NR3C2: variants seen among roughly 807,000 people sequenced by gnomAD.
The protein encoded by NR3C2 is mineralocorticoid receptor.
Under a neutral mutation model 86.4 loss-of-function variants are expected in NR3C2, and 15 were observed. The observed-to-expected ratio is 0.17, with a 90% CI of 0.12 to 0.27. The LOEUF is 0.27. Among genes scored for constraint, NR3C2 ranks in the 10% least tolerant of loss-of-function variants. NR3C2 has a pLI of 1.00. For synonymous variants in NR3C2, 458 were observed against 450.5 expected, an observed-to-expected ratio of 1.02 and a Z score of -0.21; for missense variants, 960 against 1,195.6, an observed-to-expected ratio of 0.80 and a Z score of 2.91.
chr4:148,162,719 A>G (rs1417019018), intron 4 of NR3C2, among the ~76,000 whole-genome samples: 1 of 152,172 alleles, frequency 6.6e-6, no homozygotes, highest in Non-Finnish European at 1.5e-5. Context: ...GCCCTCCGGC[A>G]TCTCTTAGGA....
chr4:148,393,587 C>G (rs1747702027), intron 2 of NR3C2, among the ~76,000 whole-genome samples: 1 of 152,162 alleles, frequency 6.6e-6, no homozygotes, highest in Non-Finnish European at 1.5e-5. Context: ...AGGTGGCAGC[C>G]TACTTAGCTC....
chr4:148,183,717 C>T (rs1735750290), intron 4 of NR3C2, among the ~76,000 whole-genome samples: 1 of 152,044 alleles, frequency 6.6e-6, no homozygotes, highest in South Asian at 2.1e-4. Context: ...GCACAGCAAG[C>T]CCTCAAAAAT....
chr4:148,311,322 C>T (rs1742888857), intron 2 of NR3C2, among the ~76,000 whole-genome samples: 1 of 152,178 alleles, frequency 6.6e-6, no homozygotes, highest in African/African-American at 2.4e-5. Context: ...CTAATAGGCA[C>T]CTCAACATAG....
rs767830377 is a variant in NR3C2, at chr4:148,335,021, C to A, written c.1758-74904G>T. Among the ~76,000 whole-genome samples, 76 of 152,178 alleles carry A rather than the reference C, an allele frequency of 5.0e-4. 1 individual carries two copies. Among genetic ancestry groups the A allele is most frequent in the Non-Finnish European group, 1.0e-3 (68 of 68,028 alleles). On this transcript the variant is annotated intron_variant, in intron 2 of 8. Transcript: ENST00000358102. ...CCAATTTCCCCTTTGTATAAAGATT[C>A]CAGTTATATTACATTAGGGGCCACT...
At chr4:148,124,253 AC>A (rs1732645365) in intron 6 of NR3C2, among the ~76,000 whole-genome samples, 2 of 151,786 alleles carry the variant, frequency 1.3e-5, no homozygotes, top group Non-Finnish European at 2.9e-5. Flanking sequence ...ACCAAACCAA[AC>A]CAAACCAAAC....
chr4:148,211,898 T>C (rs1737302064), intron 3 of NR3C2, among the ~76,000 whole-genome samples: 1 of 152,224 alleles, frequency 6.6e-6, no homozygotes, highest in South Asian at 2.1e-4. Context: ...TTTGTAAAAA[T>C]GGTTACATAA....
intron 3 of NR3C2, among the ~76,000 whole-genome samples, chr4:148,232,533 T>C (rs1224803467): frequency 6.6e-6 from 1 of 152,160 alleles, no homozygotes; most frequent in Non-Finnish European, 1.5e-5. Context: ...ATGTATAGAG[T>C]ACAGGCAGAG....
At chr4:148,137,626 C>T (rs1036196066) in intron 6 of NR3C2, among the ~76,000 whole-genome samples, 13 of 152,220 alleles carry the variant, frequency 8.5e-5, no homozygotes, top group African/African-American at 2.4e-4. Context: ...CAAAGCCAGG[C>T]GGAATTAGAG....
intron 2 of NR3C2, among the ~76,000 whole-genome samples, chr4:148,385,141 T>C (rs1006074441): frequency 3.3e-5 from 5 of 152,174 alleles, no homozygotes; most frequent in Admixed American, 6.5e-5. Context: ...GCAACAATGA[T>C]ACTGCCAAAG....
intron 2 of NR3C2, among the ~76,000 whole-genome samples, chr4:148,318,449 A>G (rs1311181721): frequency 6.7e-6 from 1 of 149,324 alleles, no homozygotes; most frequent in East Asian, 2.0e-4. Flanking sequence ...AGGAATCGCC[A>G]CACTGACTTC....
chr4:148,377,894 T>G (rs6849903), intron 2 of NR3C2, among the ~76,000 whole-genome samples: 43,986 of 151,938 alleles, frequency 0.29, 7,330 homozygotes, highest in African/African-American at 0.47. Context: ...CAGCAGAACC[T>G]GAGAAAGAAA....
chr4:148,391,858 C>T (rs1379058496), intron 2 of NR3C2, among the ~76,000 whole-genome samples: 1 of 128,164 alleles, frequency 7.8e-6, no homozygotes, highest in Non-Finnish European at 1.6e-5. Context: ...GAGAGCAAGA[C>T]TCCATTGCAA....
intron 3 of NR3C2, among the ~76,000 whole-genome samples, chr4:148,212,185 G>A (rs986386894): frequency 2.6e-5 from 4 of 152,186 alleles, no homozygotes; most frequent in African/African-American, 7.2e-5. Context: ...AACACCATCC[G>A]CTATTAAAAG....
At chr4:148,398,188 A>C (rs1747957743) in intron 2 of NR3C2, among the ~76,000 whole-genome samples, 1 of 152,096 alleles carries the variant, frequency 6.6e-6, no homozygotes, top group Admixed American at 6.5e-5. Context: ...ATGTGCAAAA[A>C]CCCTACTTCC....
chr4:148,087,165 C>A (rs1474573718), intron 8 of NR3C2, among the ~76,000 whole-genome samples: 1 of 152,140 alleles, frequency 6.6e-6, no homozygotes, highest in African/African-American at 2.4e-5. Context: ...CTCCCATTCA[C>A]AATTGCTACA....
At chr4:148,086,990 C>G (rs1730844724) in intron 8 of NR3C2, among the ~76,000 whole-genome samples, 1 of 152,238 alleles carries the variant, frequency 6.6e-6, no homozygotes, top group Non-Finnish European at 1.5e-5. Flanking sequence ...CAAATTGTCT[C>G]TGTTTGCAGA....
intron 2 of NR3C2, among the ~76,000 whole-genome samples, chr4:148,421,420 G>GTCTT (rs968929886): frequency 2.0e-5 from 3 of 152,152 alleles, no homozygotes; most frequent in Admixed American, 2.0e-4. Context: ...TCTTAATATA[G>GTCTT]TCTTTCTTTC....
chr4:148,130,823 T>TGTTTTG lies in NR3C2; in HGVS notation c.2511-10536_2511-10535insCAAAAC, dbSNP rs201153191. On this transcript the variant is annotated intron_variant, in intron 6 of 8. Transcript: ENST00000358102. ...TGTTTTGTTTTGTTTTGTTTTGTTT[T>TGTTTTG]TTTTTTTTTTTTTTTTTTGAGACAG... Among the ~76,000 whole-genome samples the TGTTTTG allele has an allele frequency of 8.9e-3, 828 of 93,536 alleles. 11 individuals are homozygous for TGTTTTG. The highest frequency in any genetic ancestry group is 0.025 in the African/African-American group (623 of 25,034). The allele number at this position is 93,536 out of a possible 152,430, so 61.4% of individuals were successfully genotyped here.
intron 3 of NR3C2, among the ~76,000 whole-genome samples, chr4:148,214,175 G>C (rs142265331): frequency 3.3e-4 from 51 of 152,304 alleles, no homozygotes; most frequent in African/African-American, 1.0e-3. Flanking sequence ...AGTCTACCTA[G>C]CTAGATTATT....
Sources: allele counts gnomAD v4.1 joint callset (sites outside exome capture counted in the v4.1 genomes callset), GRCh38; gene constraint gnomAD v4.1.1; transcripts MANE v1.5; gene names NCBI Gene and HGNC (gene_info 2026-07-23, HGNC 2026-07-21).